The following MDN1 variants were observed in gnomAD, a reference collection of about 807,000 sequenced individuals.
MDN1 encodes midasin AAA ATPase 1, also known as midasin.
Under a neutral mutation model 669.2 loss-of-function variants are expected in MDN1, and 266 were observed. The ratio of observed to expected loss-of-function variants is 0.40; its 90% CI spans 0.36 to 0.44. MDN1 has a LOEUF of 0.44. Ranked by LOEUF, MDN1 falls within the 20% of genes least tolerant of loss-of-function variation. The pLI, the probability that MDN1 is intolerant of heterozygous loss-of-function variation, is 1.00. For missense variants in MDN1, 5,940 were observed against 6,754.0 expected (o/e 0.88, Z 4.22); for synonymous variants, 2,385 against 2,457.1 (o/e 0.97, Z 0.87).
chr6:89,807,520 T>A (rs1429991181), intron 1 of MDN1, among the ~76,000 whole-genome samples: 1 of 152,240 alleles, frequency 6.6e-6, no homozygotes, highest in East Asian at 1.9e-4. Flanking sequence ...ATGTTATTTA[T>A]TACTTGTTTC....
chr6:89,714,245 A>T (rs576211029), intron 46 of MDN1, among the ~76,000 whole-genome samples: 1 of 152,202 alleles, frequency 6.6e-6, no homozygotes, highest in Admixed American at 6.5e-5. Context: ...ACCCTGGAGA[A>T]ATGATGGGCA....
At chr6:89,700,432 C>G in intron 56 of MDN1, 138 bp from the exon 57 acceptor site, 1 of 782,234 alleles carries the variant, frequency 1.3e-6, no homozygotes, top group East Asian at 2.7e-5. Context: ...CTTTGAGATT[C>G]TCATCTGTGA....
chr6:89,702,984 A>G (rs1300686390), intron 53 of MDN1, among the ~76,000 whole-genome samples: 4 of 150,230 alleles, frequency 2.7e-5, no homozygotes, highest in Non-Finnish European at 5.9e-5. Flanking sequence ...CGCCAAGGCT[A>G]GAGTGCAATG....
chr6:89,819,661 C>T lies in MDN1; in HGVS notation c.-54G>A. On this transcript the variant is annotated 5_prime_UTR_variant, in exon 1 of 102. Coordinates refer to ENST00000369393, the MANE Select transcript of MDN1 (RefSeq NM_014611.3). ...CCTGCGCTCCCTACTTCGCGGCCAG[C>T]GTCCCCAAGCCGCCGAGGTCCCAGT... 2 of 1,489,724 alleles carry T rather than the reference C, an allele frequency of 1.3e-6. No individual in the cohort carries two copies. The highest frequency in any genetic ancestry group is 1.1e-5 in the South Asian group (1 of 88,626). 92.3% of individuals were successfully genotyped at this position (1,489,724 alleles called of 1,614,324 possible).
At chr6:89,779,045 C>A (rs2128324106) in intron 11 of MDN1, among the ~76,000 whole-genome samples, 1 of 151,718 alleles carries the variant, frequency 6.6e-6, no homozygotes, top group Admixed American at 6.6e-5. Flanking sequence ...TTATTTAAAT[C>A]TCCAGGTTAT....
At chr6:89,658,516 G>T in intron 89 of MDN1, 94 bp downstream of exon 89, 1 of 1,520,802 alleles carries the variant, frequency 6.6e-7, no homozygotes, top group Non-Finnish European at 8.9e-7. Context: ...ACATGTTGAT[G>T]GAGGAGTATC....
In MDN1 at chr6:89,681,921, G is replaced by A. The variant is rs554701530; in HGVS notation, c.12103-1170C>T. 2.6e-5 allele frequency among the ~76,000 whole-genome samples: 4 copies of A among 152,202 alleles called. No homozygotes were observed. The South Asian group carries it at 8.3e-4, about 32-fold the overall frequency. On this transcript the variant is annotated intron_variant, in intron 73 of 101. Coordinates refer to ENST00000369393, the MANE Select transcript of MDN1 (RefSeq NM_014611.3). The stretch of plus-strand genomic sequence containing the variant: ...CCTGCCTCAGCCTCCCAAGGTGCTG[G>A]GATTACAGCCGTGAGCCACTACGCC...
chr6:89,733,627 G>T (rs2128315526), intron 33 of MDN1, among the ~76,000 whole-genome samples: 1 of 142,262 alleles, frequency 7.0e-6, no homozygotes, highest in Middle Eastern at 4.0e-3. Flanking sequence ...GAAGAATACT[G>T]ATTACAAAAA....
At chr6:89,656,919 C>CA (rs1809349619) in intron 90 of MDN1, 118 bp from the exon 91 acceptor site, 1 of 845,524 alleles carries the variant, frequency 1.2e-6, no homozygotes, top group Non-Finnish European at 1.9e-6. Context: ...GTCATATAAT[C>CA]ACTCCTGCCT....
chr6:89,778,887 A>AAAGTAAAT (rs1818484244), intron 11 of MDN1, among the ~76,000 whole-genome samples: 1 of 130,318 alleles, frequency 7.7e-6, no homozygotes, highest in South Asian at 2.6e-4. Context: ...CTATGTCTCA[A>AAAGTAAAT]AAATAAATAA....
At chr6:89,736,259 C>T (rs1213228922) in intron 33 of MDN1, among the ~76,000 whole-genome samples, 1 of 152,184 alleles carries the variant, frequency 6.6e-6, no homozygotes, top group Non-Finnish European at 1.5e-5. Flanking sequence ...AGTAAACAAG[C>T]TCCTTAAGGA....
chr6:89,689,340 T>G (rs1347791340), intron 65 of MDN1, among the ~76,000 whole-genome samples: 1 of 152,218 alleles, frequency 6.6e-6, no homozygotes, highest in Non-Finnish European at 1.5e-5. Flanking sequence ...GTTAACTCAG[T>G]GCATCCAAAT....
At chr6:89,755,384 A>G (rs929872133) in intron 20 of MDN1, among the ~76,000 whole-genome samples, 1 of 151,008 alleles carries the variant, frequency 6.6e-6, no homozygotes, top group Admixed American at 6.6e-5. Context: ...GTATCCAAAA[A>G]AAAAAAAAAA....
intron 87 of MDN1, 126 bp from the exon 88 acceptor site, chr6:89,661,704 T>G (rs1203309709): frequency 1.1e-6 from 1 of 917,234 alleles, no homozygotes; most frequent in African/African-American, 1.7e-5. Flanking sequence ...TTCCCTAAAA[T>G]TATCTGCACA....
chr6:89,685,686 A>C (rs937186777), intron 70 of MDN1, 141 bp downstream of exon 70: 1 of 900,574 alleles, frequency 1.1e-6, no homozygotes, highest in Non-Finnish European at 1.6e-6. Context: ...CTCTATATCT[A>C]ATGTGAATCG....
At chr6:89,797,758 T>C (rs1203429324) in intron 2 of MDN1, 2 of 375,014 alleles carry the variant, frequency 5.3e-6, no homozygotes, top group Admixed American at 3.2e-5. Context: ...GCAGCATCAA[T>C]ACCAGGTCTA....
intron 49 of MDN1, among the ~76,000 whole-genome samples, chr6:89,711,347 AC>A (rs1263497154): frequency 1.3e-5 from 2 of 152,240 alleles, no homozygotes; most frequent in African/African-American, 2.4e-5. Context: ...ATTTAAAAAA[AC>A]AAAAAATAAA....
chr6:89,776,813 A>G (rs1448036207), intron 11 of MDN1, 118 bp from the exon 12 acceptor site: 1 of 714,270 alleles, frequency 1.4e-6, no homozygotes, highest in Non-Finnish European at 2.2e-6. Context: ...ACATTTCTCT[A>G]AAAATGAAGG....
intron 86 of MDN1, 49 bp from the exon 87 acceptor site, chr6:89,662,288 C>A: frequency 6.4e-7 from 1 of 1,573,356 alleles, no homozygotes; most frequent in Admixed American, 1.9e-5. Flanking sequence ...ATCCAAGAAA[C>A]TGCTTCTGCA....
Sources: gnomAD v4.1 joint callset for allele counts (sites outside exome capture counted in the v4.1 genomes callset) on GRCh38, gnomAD v4.1.1 for gene constraint, MANE v1.5 for transcripts, NCBI Gene and HGNC (gene_info 2026-07-23, HGNC 2026-07-21) for gene names.